Variants in WFDC9 observed in about 807,000 individuals in gnomAD.
The protein encoded by WFDC9 is protein WFDC9.
WFDC9 carries 9 observed loss-of-function variants against 9.5 expected under a neutral mutation model. That is an observed-to-expected ratio of 0.95 (90% CI 0.57 to 1.65). The LOEUF (loss-of-function observed/expected upper bound fraction) is 1.65, where lower values mean the gene tolerates loss of function less well. Ranked by LOEUF, WFDC9 falls within the 40% of genes most tolerant of loss-of-function variation. The pLI, the probability that WFDC9 is intolerant of heterozygous loss-of-function variation, is 0.00. For missense variants in WFDC9, 87 were observed against 106.7 expected (o/e 0.82, Z 0.81); for synonymous variants, 33 against 32.3 (o/e 1.02, Z -0.07).
At chr20:45,619,347 T>C (rs1487327) in intron 1 of WFDC9, among the ~76,000 whole-genome samples, 67,629 of 151,932 alleles carry the variant, frequency 0.45, 15,187 homozygotes, top group Middle Eastern at 0.54. Context: ...ACAATCTGTA[T>C]ACTCTTCTAT....
rs559951285 is a variant in WFDC9, at chr20:45,630,381, T to A, written c.-153+822A>T. On this transcript the variant is annotated intron_variant, in intron 1 of 4. Coordinates refer to ENST00000326000, the MANE Select transcript of WFDC9 (RefSeq NM_147198.4). ...GTTATCATCAAAGGGGCAAGGAGAG[T>A]GGTGGTGGAAAGGGAACTAAAGAAG... is the stretch of plus-strand genomic sequence containing the variant. Among the ~76,000 whole-genome samples, 115 of 150,196 alleles carry A rather than the reference T, an allele frequency of 7.7e-4. No homozygotes were observed. The South Asian group carries it at 0.011, about 15-fold the overall frequency.
intron 1 of WFDC9, chr20:45,629,683 G>A (rs1248834218): frequency 8.4e-7 from 1 of 1,193,744 alleles, no homozygotes; most frequent in Non-Finnish European, 1.2e-6. Context: ...GCTCTGCTCC[G>A]ACTTGGCCAG....
In WFDC9 at chr20:45,610,814, GAGA is replaced by G. The variant is rs555797801; in HGVS notation, c.-58-578_-58-576del. Among the ~76,000 whole-genome samples the G allele has an allele frequency of 1.0e-3, 159 of 152,350 alleles. 2 individuals carry two copies. The highest frequency in any genetic ancestry group is 3.5e-3 in the African/African-American group (147 of 41,584). ...ATGGTCCAAAGTTGGAGGAATTGTA[GAGA>G]AGATTTTGAAGGAAATTTTATTGGT... On this transcript the variant is annotated intron_variant, in intron 2 of 4. Coordinates refer to ENST00000326000, the MANE Select transcript of WFDC9 (RefSeq NM_147198.4).
intron 1 of WFDC9, among the ~76,000 whole-genome samples, chr20:45,628,534 G>T (rs923820084): frequency 2.4e-4 from 36 of 152,178 alleles, no homozygotes; most frequent in African/African-American, 8.7e-4. Flanking sequence ...TTATGACAGT[G>T]TCCAGTCTCT....
At chr20:45,620,502 G>C (rs943969157) in intron 1 of WFDC9, among the ~76,000 whole-genome samples, 2 of 152,182 alleles carry the variant, frequency 1.3e-5, no homozygotes, top group African/African-American at 4.8e-5. Context: ...TGAGGCATGA[G>C]AATCACTTGA....
At chr20:45,613,115 C>G (rs1282239167) in intron 2 of WFDC9, among the ~76,000 whole-genome samples, 1 of 152,186 alleles carries the variant, frequency 6.6e-6, no homozygotes, top group Admixed American at 6.6e-5. Context: ...AATTCAGTTT[C>G]CAGTCATTTC....
intron 1 of WFDC9, among the ~76,000 whole-genome samples, chr20:45,622,827 T>G (rs746992337): frequency 1.3e-5 from 2 of 152,240 alleles, no homozygotes; most frequent in African/African-American, 2.4e-5. Flanking sequence ...TCAGTGTGAG[T>G]GCAGAAACAT....
At chr20:45,613,963 A>G (rs1018217489) in intron 2 of WFDC9, among the ~76,000 whole-genome samples, 3 of 152,196 alleles carry the variant, frequency 2.0e-5, no homozygotes, top group African/African-American at 7.2e-5. Flanking sequence ...CTTTGCATAA[A>G]GAAGGAGGAA....
At chr20:45,630,291 G>A (rs1368064719) in intron 1 of WFDC9, among the ~76,000 whole-genome samples, 1 of 152,054 alleles carries the variant, frequency 6.6e-6, no homozygotes, top group Non-Finnish European at 1.5e-5. Flanking sequence ...GTGTAGAATG[G>A]GTATAAGTGT....
chr20:45,617,967 T>A (rs1982009154), intron 1 of WFDC9, among the ~76,000 whole-genome samples: 1 of 152,232 alleles, frequency 6.6e-6, no homozygotes, highest in Non-Finnish European at 1.5e-5. Context: ...TAAATGGAAG[T>A]GGATCATCAT....
intron 1 of WFDC9, among the ~76,000 whole-genome samples, chr20:45,627,076 C>T (rs975178216): frequency 2.0e-5 from 3 of 151,940 alleles, no homozygotes; most frequent in African/African-American, 7.3e-5. Flanking sequence ...CTGAGATTAC[C>T]GTATGGTTTT....
At chr20:45,610,056 G>A (rs201794891) in intron 3 of WFDC9, 35 bp downstream of exon 3, 27 of 1,581,222 alleles carry the variant, frequency 1.7e-5, no homozygotes, top group South Asian at 2.2e-5. Context: ...TCCCAGGACT[G>A]GGCAGAGCAC....
At chr20:45,616,652 G>T (rs1981981579) in intron 1 of WFDC9, among the ~76,000 whole-genome samples, 1 of 152,144 alleles carries the variant, frequency 6.6e-6, no homozygotes, top group South Asian at 2.1e-4. Context: ...ATTTTGACTT[G>T]AAAGTCAAAA....
chr20:45,615,738 C>T (rs1316673534), intron 1 of WFDC9, among the ~76,000 whole-genome samples: 1 of 151,694 alleles, frequency 6.6e-6, no homozygotes, highest in East Asian at 1.9e-4. Context: ...TACAACTGTA[C>T]CTCTTTCATA....
chr20:45,612,254 A>G (rs897715378), intron 2 of WFDC9, among the ~76,000 whole-genome samples: 5 of 151,908 alleles, frequency 3.3e-5, no homozygotes, highest in Non-Finnish European at 7.4e-5. Context: ...TTAGCATTTT[A>G]ATCTGTTTAG....
intron 1 of WFDC9, among the ~76,000 whole-genome samples, chr20:45,623,406 G>A (rs908425009): frequency 6.6e-6 from 1 of 152,036 alleles, no homozygotes; most frequent in Non-Finnish European, 1.5e-5. Flanking sequence ...TTGGGAGGCC[G>A]AGGCAGGTGG....
chr20:45,608,863 C>G lies in WFDC9; in HGVS notation c.92-53G>C, dbSNP rs1199804200. On this transcript the variant is annotated intron_variant, in intron 3 of 4. Transcript: ENST00000326000. The stretch of plus-strand genomic sequence containing the variant: ...GTCTATTCACAACTCAGACAAGAAA[C>G]CTTTTCTAAGCTTAACAATCCCTTC... 4 of 1,541,302 alleles carry G rather than the reference C, an allele frequency of 2.6e-6. No homozygotes were observed. The African/African-American group carries it at 5.5e-5, about 21-fold the overall frequency.
chr20:45,624,222 C>A (rs1467215043), intron 1 of WFDC9, among the ~76,000 whole-genome samples: 1 of 152,132 alleles, frequency 6.6e-6, no homozygotes, highest in Non-Finnish European at 1.5e-5. Context: ...CCTATCTTCC[C>A]CTTCCCACTA....
intron 1 of WFDC9, among the ~76,000 whole-genome samples, chr20:45,623,144 G>A (rs1982137582): frequency 6.6e-6 from 1 of 152,068 alleles, no homozygotes; most frequent in Admixed American, 6.5e-5. Context: ...TCATTATAAT[G>A]GTCATACAGT....
Sources: gnomAD v4.1 joint callset for allele counts (sites outside exome capture counted in the v4.1 genomes callset) on GRCh38, gnomAD v4.1.1 for gene constraint, MANE v1.5 for transcripts, NCBI Gene and HGNC (gene_info 2026-07-23, HGNC 2026-07-21) for gene names.